The following HSBP1L1 variants were observed in gnomAD, a reference collection of about 807,000 sequenced individuals.
The protein encoded by HSBP1L1 is heat shock factor binding protein 1 like 1, also known as heat shock factor-binding protein 1-like protein 1.
A neutral mutation model predicts 9.7 loss-of-function variants in HSBP1L1; 8 were observed. The ratio of observed to expected loss-of-function variants is 0.82; its 90% CI spans 0.48 to 1.48. HSBP1L1 has a LOEUF of 1.48. Among genes scored for constraint, HSBP1L1 ranks in the 40% most tolerant of loss-of-function variants. The probability of loss-of-function intolerance (pLI) is 0.00; values close to 1 mark genes in which losing one functional copy is unlikely to be tolerated. For missense variants in HSBP1L1, 106 were observed against 95.8 expected (o/e 1.11, Z -0.44); for synonymous variants, 39 against 34.4 (o/e 1.13, Z -0.46).
rs1051150985 is a variant in HSBP1L1, at chr18:79,966,975, C to T, written c.118+297C>T. ...CATCCTGGCTAACACAGTGAAACCCCGTCTCTACTAAAAATACAAAAAATT... is the reference window on the plus strand; with the variant it reads ...CATCCTGGCTAACACAGTGAAACCCTGTCTCTACTAAAAATACAAAAAATT... On this transcript the variant is annotated intron_variant, in intron 2 of 3. Coordinates refer to ENST00000451882, the MANE Select transcript of HSBP1L1 (RefSeq NM_001136180.2). The T allele has an allele frequency of 7.0e-4, 151 of 217,248 alleles. 1 individual carries two copies. The highest frequency in any genetic ancestry group is 1.8e-3 in the Middle Eastern group (1 of 560). 13.5% of individuals were successfully genotyped at this position (217,248 alleles called of 1,614,324 possible).
Position 79,964,800 on chromosome 18 carries a change from C to G in HSBP1L1, c.51+14C>G. The stretch of plus-strand genomic sequence containing the variant: ...CTGCGGGACGCGGTGAGCCCCTCCC[C>G]GACTCCTGCTTCTCTCTGGATGGGG... On this transcript the variant is annotated intron_variant, in intron 1 of 3. Coordinates refer to ENST00000451882, the MANE Select transcript of HSBP1L1 (RefSeq NM_001136180.2). The G allele has an allele frequency of 7.3e-7, 1 of 1,361,340 alleles. No individual in the cohort carries two copies. Among genetic ancestry groups the G allele is most frequent in the Non-Finnish European group, 9.5e-7 (1 of 1,056,116 alleles). The allele number at this position is 1,361,340 out of a possible 1,614,324, so 84.3% of individuals were successfully genotyped here.
At chr18:79,968,619 C>T (rs1216479883) in intron 3 of HSBP1L1, among the ~76,000 whole-genome samples, 8 of 151,946 alleles carry the variant, frequency 5.3e-5, no homozygotes, top group Admixed American at 2.0e-4. Flanking sequence ...CCACCACGCC[C>T]GGCCACACCC....
At chr18:79,969,478 C>A (rs2051283498) in intron 3 of HSBP1L1, among the ~76,000 whole-genome samples, 1 of 152,184 alleles carries the variant, frequency 6.6e-6, no homozygotes, top group Non-Finnish European at 1.5e-5. Flanking sequence ...ATCCTCTGAA[C>A]CTCCAGGTCA....
At chr18:79,968,259 ATTT>A in intron 3 of HSBP1L1, 76 bp downstream of exon 3, 1 of 862,644 alleles carries the variant, frequency 1.2e-6, no homozygotes, top group Non-Finnish European at 1.8e-6. Flanking sequence ...ACAATCCCAT[ATTT>A]GTTCACTATG....
chr18:79,969,331 AAAAGAAAG>A (rs1195209410), intron 3 of HSBP1L1, among the ~76,000 whole-genome samples: 3,758 of 71,444 alleles, frequency 0.053, 189 homozygotes, highest in African/African-American at 0.06. Flanking sequence ...GAAAGAAAGA[AAAAGAAAG>A]AAAGAAAGAA....
At chr18:79,968,658 G>A (rs1214248509) in intron 3 of HSBP1L1, among the ~76,000 whole-genome samples, 4 of 151,756 alleles carry the variant, frequency 2.6e-5, no homozygotes, top group Admixed American at 1.3e-4. Context: ...TAGTAGAGAC[G>A]GAGTTTCACC....
intron 1 of HSBP1L1, among the ~76,000 whole-genome samples, chr18:79,966,144 G>A (rs976565964): frequency 2.0e-5 from 3 of 152,106 alleles, no homozygotes; most frequent in Non-Finnish European, 4.4e-5. Context: ...AGTTTGCCAG[G>A]ATGGTCTCGA....
intron 3 of HSBP1L1, among the ~76,000 whole-genome samples, chr18:79,969,312 G>A (rs796506779): frequency 0.42 from 19,448 of 46,374 alleles, 5,973 homozygotes; most frequent in South Asian, 0.64. Flanking sequence ...GAGAGAGAAA[G>A]GAAAGAAAGA....
chr18:79,969,046 G>A (rs1347698836), intron 3 of HSBP1L1, among the ~76,000 whole-genome samples: 3 of 149,208 alleles, frequency 2.0e-5, no homozygotes, highest in Non-Finnish European at 4.5e-5. Flanking sequence ...AAAAATAGCC[G>A]GGTGTGGTGG....
intron 3 of HSBP1L1, among the ~76,000 whole-genome samples, chr18:79,969,024 C>CAA (rs1171308274): frequency 6.6e-5 from 6 of 91,296 alleles, no homozygotes; most frequent in African/African-American, 7.7e-5. Flanking sequence ...ACTAAAAATA[C>CAA]AAAAAAAAAA....
At chr18:79,966,033 G>A (rs527435498) in intron 1 of HSBP1L1, among the ~76,000 whole-genome samples, 4 of 152,050 alleles carry the variant, frequency 2.6e-5, no homozygotes, top group Non-Finnish European at 4.4e-5. Flanking sequence ...CCGGGTTCAC[G>A]CCATTCTCCT....
intron 1 of HSBP1L1, 63 bp from the exon 2 acceptor site, chr18:79,966,544 GAAAAA>G: frequency 9.7e-7 from 1 of 1,032,422 alleles, no homozygotes. Flanking sequence ...CTTCATCTCA[GAAAAA>G]AAAAAAAACT....
At chr18:79,964,861 G>A (rs561783665) in intron 1 of HSBP1L1, 75 bp downstream of exon 1, 2 of 245,172 alleles carry the variant, frequency 8.2e-6, no homozygotes, top group Admixed American at 6.8e-5. Context: ...TGAGGTCCTG[G>A]GGGGGGAGCC....
chr18:79,969,307 A>AGAGAG (rs1568356504), intron 3 of HSBP1L1, among the ~76,000 whole-genome samples: 2 of 48,046 alleles, frequency 4.2e-5, no homozygotes, highest in Non-Finnish European at 9.8e-5. Context: ...AGAGAGAGAG[A>AGAGAG]GAAAGGAAAG....
intron 2 of HSBP1L1, chr18:79,967,072 C>A (rs1437899016): frequency 6.6e-6 from 1 of 152,034 alleles, no homozygotes; most frequent in African/African-American, 2.5e-5. Flanking sequence ...GGTGTGAACC[C>A]GGGAGGTGGA....
chr18:79,964,841 T>C, intron 1 of HSBP1L1, 55 bp downstream of exon 1: 1 of 195,964 alleles, frequency 5.1e-6, no homozygotes. Context: ...CCTGCGGTTC[T>C]GGGGGGTTTT....
At chr18:79,966,494 G>T in intron 1 of HSBP1L1, 118 bp from the exon 2 acceptor site, 1 of 667,708 alleles carries the variant, frequency 1.5e-6, no homozygotes, top group Non-Finnish European at 2.6e-6. Context: ...AGTGAGCTGA[G>T]ATCGCGCCAT....
At chr18:79,967,447 G>A (rs2145035070) in intron 2 of HSBP1L1, 1 of 152,250 alleles carries the variant, frequency 6.6e-6, no homozygotes, top group Non-Finnish European at 1.5e-5. Flanking sequence ...TGGAGTTGGA[G>A]CAAATCTAGA....
intron 3 of HSBP1L1, among the ~76,000 whole-genome samples, chr18:79,968,982 G>A (rs1159011921): frequency 7.0e-6 from 1 of 142,842 alleles, no homozygotes; most frequent in African/African-American, 2.6e-5. Context: ...AGGAGATCGA[G>A]ACCATCCTGT....
Sources: gnomAD v4.1 joint callset for allele counts (sites outside exome capture counted in the v4.1 genomes callset) on GRCh38, gnomAD v4.1.1 for gene constraint, MANE v1.5 for transcripts, NCBI Gene and HGNC (gene_info 2026-07-23, HGNC 2026-07-21) for gene names.